KCNIP4: variants seen among roughly 807,000 people sequenced by gnomAD.
The protein encoded by KCNIP4 is potassium voltage-gated channel interacting protein 4, also known as Kv channel-interacting protein 4.
KCNIP4 carries 12 observed loss-of-function variants against 34.0 expected under a neutral mutation model. That is an observed-to-expected ratio of 0.35 (90% CI 0.23 to 0.57). The LOEUF is 0.57. Among genes scored for constraint, KCNIP4 ranks in the 20% least tolerant of loss-of-function variants. The pLI is 0.83. For synonymous variants in KCNIP4, 124 were observed against 102.2 expected, an observed-to-expected ratio of 1.21 and a Z score of -1.29; for missense variants, 238 against 311.7, an observed-to-expected ratio of 0.76 and a Z score of 1.78.
intron 1 of KCNIP4, among the ~76,000 whole-genome samples, chr4:21,549,920 A>G (rs1450141142): frequency 6.6e-6 from 1 of 152,094 alleles, no homozygotes; most frequent in African/African-American, 2.4e-5. Context: ...CCCTTCCACT[A>G]CTAACAATCT....
chr4:20,803,277 G>A (rs1484770860), intron 3 of KCNIP4, among the ~76,000 whole-genome samples: 15 of 151,058 alleles, frequency 9.9e-5, no homozygotes, highest in Non-Finnish European at 2.2e-4. Context: ...CTACACCAAC[G>A]ATTAGCAGAA....
Position 20,778,793 on chromosome 4 carries a change from C to T in KCNIP4, c.289-19903G>A, listed in dbSNP as rs561505190. Among the ~76,000 whole-genome samples, 22 of 152,234 alleles carry T rather than the reference C, an allele frequency of 1.4e-4. 1 individual carries two copies. The East Asian group carries it at 3.3e-3, about 23-fold the overall frequency. On this transcript the variant is annotated intron_variant, in intron 3 of 8. Coordinates refer to ENST00000382152, the MANE Select transcript of KCNIP4 (RefSeq NM_025221.6). ...CAGATGAGGGGTTATATAGACTGAA[C>T]TTAGACAGCTGTTTTAGGAATTTTA... is the stretch of plus-strand genomic sequence containing the variant.
intron 1 of KCNIP4, among the ~76,000 whole-genome samples, chr4:21,090,387 C>A (rs1217433337): frequency 6.6e-6 from 1 of 152,094 alleles, no homozygotes; most frequent in Non-Finnish European, 1.5e-5. Flanking sequence ...CAATGCACAG[C>A]CCTGAGAGGA....
rs78293513 is a variant in KCNIP4, at chr4:21,676,895, G to C, written c.61+271676C>G. Among the ~76,000 whole-genome samples, 552 of 151,476 alleles carry C rather than the reference G, an allele frequency of 3.6e-3. 15 individuals are homozygous for C. In the East Asian group the frequency reaches 0.064, roughly 18 times the overall value. ...CTGCAATCACATTTTATGAAATAAA[G>C]GTTTTTTAAAGGAAAGAGCAAAAAT... On this transcript the variant is annotated intron_variant, in intron 1 of 8. Transcript: ENST00000382152.
intron 1 of KCNIP4, among the ~76,000 whole-genome samples, chr4:21,754,462 A>G (rs1013412599): frequency 6.6e-6 from 1 of 152,232 alleles, no homozygotes; most frequent in Non-Finnish European, 1.5e-5. Context: ...TGTTGAATTA[A>G]TTAATGCATA....
intron 3 of KCNIP4, among the ~76,000 whole-genome samples, chr4:20,777,339 C>G (rs1189631469): frequency 6.6e-6 from 1 of 152,216 alleles, no homozygotes; most frequent in Non-Finnish European, 1.5e-5. Context: ...TTACCTCCCA[C>G]TGGATCCTTC....
intron 1 of KCNIP4, among the ~76,000 whole-genome samples, chr4:21,784,617 C>T (rs1719783004): frequency 6.6e-6 from 1 of 151,842 alleles, no homozygotes; most frequent in African/African-American, 2.4e-5. Flanking sequence ...AAATATAAGT[C>T]GATGTCAAAA....
intron 1 of KCNIP4, among the ~76,000 whole-genome samples, chr4:21,276,425 C>T (rs1344229408): frequency 2.7e-5 from 4 of 147,716 alleles, no homozygotes; most frequent in Non-Finnish European, 4.5e-5. Flanking sequence ...TGGTCTCGAA[C>T]GCTTGACTTC....
At chr4:21,556,319 T>A (rs192422134) in intron 1 of KCNIP4, among the ~76,000 whole-genome samples, 1 of 152,254 alleles carries the variant, frequency 6.6e-6, no homozygotes. Context: ...CAGTTAACAC[T>A]ACATCCAATT....
intron 1 of KCNIP4, among the ~76,000 whole-genome samples, chr4:21,068,505 T>G (rs373492488): frequency 6.6e-6 from 1 of 152,144 alleles, no homozygotes; most frequent in African/African-American, 2.4e-5. Flanking sequence ...CCAGCCAAAA[T>G]TTTCTTCTAA....
rs535376592 is a variant in KCNIP4, at chr4:21,073,974, C to A, written c.62-191265G>T. ...GTGTATGTTGAACCAGCCTTGCATC[C>A]CAGGGATGAAGCCCAGTTGATCATG... On this transcript the variant is annotated intron_variant, in intron 1 of 8. Transcript: ENST00000382152. Among the ~76,000 whole-genome samples the A allele has an allele frequency of 1.6e-4, 25 of 152,220 alleles. No individual in the cohort carries two copies. In the South Asian group the frequency reaches 4.8e-3, roughly 29 times the overall value.
At chr4:20,981,360 C>G (rs1221481724) in intron 1 of KCNIP4, among the ~76,000 whole-genome samples, 2 of 152,090 alleles carry the variant, frequency 1.3e-5, no homozygotes, top group Non-Finnish European at 2.9e-5. Context: ...AATTACATGC[C>G]CATTATATGA....
chr4:21,219,496 CTATAAAGCCCAAGAGCAAAG>C (rs1325766294), intron 1 of KCNIP4, among the ~76,000 whole-genome samples: 3 of 152,110 alleles, frequency 2.0e-5, no homozygotes, highest in African/African-American at 7.2e-5. Context: ...GTTTCATGTC[CTATAAAGCCCAAGAGCAAAG>C]TAAGAGGTCA....
intron 1 of KCNIP4, among the ~76,000 whole-genome samples, chr4:21,493,563 A>G (rs1264539107): frequency 6.6e-6 from 1 of 152,204 alleles, no homozygotes; most frequent in Non-Finnish European, 1.5e-5. Context: ...TTTACATTCC[A>G]TTCTAATACA....
intron 1 of KCNIP4, among the ~76,000 whole-genome samples, chr4:20,902,612 C>T (rs1445247403): frequency 2.6e-5 from 4 of 152,212 alleles, no homozygotes; most frequent in South Asian, 2.1e-4. Context: ...CACCACCTCC[C>T]GGGTTCACGT....
chr4:20,830,692 G>C (rs142450890), intron 3 of KCNIP4, among the ~76,000 whole-genome samples: 2 of 152,212 alleles, frequency 1.3e-5, no homozygotes, highest in Middle Eastern at 3.4e-3. Flanking sequence ...AATGTATAGA[G>C]AAATAGATAA....
chr4:21,338,824 C>T (rs893894802), intron 1 of KCNIP4, among the ~76,000 whole-genome samples: 1 of 151,980 alleles, frequency 6.6e-6, no homozygotes, highest in African/African-American at 2.4e-5. Flanking sequence ...TTCTGCCACT[C>T]AGATTCTTTT....
At chr4:20,823,073 T>C (rs575119387) in intron 3 of KCNIP4, among the ~76,000 whole-genome samples, 2 of 152,304 alleles carry the variant, frequency 1.3e-5, no homozygotes, top group South Asian at 4.1e-4. Context: ...CCTCTAGAAC[T>C]GTATAGTCTG....
At chr4:21,674,023 T>C (rs1003006337) in intron 1 of KCNIP4, among the ~76,000 whole-genome samples, 1 of 152,166 alleles carries the variant, frequency 6.6e-6, no homozygotes, top group Non-Finnish European at 1.5e-5. Context: ...AAAACAAAAA[T>C]GAAGATAAAC....
Sources: allele counts gnomAD v4.1 joint callset (sites outside exome capture counted in the v4.1 genomes callset), GRCh38; gene constraint gnomAD v4.1.1; transcripts MANE v1.5; gene names NCBI Gene and HGNC (gene_info 2026-07-23, HGNC 2026-07-21).